The following KLHL15 variants were observed in gnomAD, a reference collection of about 807,000 sequenced individuals.
KLHL15 encodes kelch like family member 15, also known as kelch-like protein 15.
In KLHL15, 1 loss-of-function variant was observed where a neutral mutation model predicts 29.3. The ratio of observed to expected loss-of-function variants is 0.03; its 90% confidence interval spans 0.01 to 0.16. The LOEUF (loss-of-function observed/expected upper bound fraction) is 0.16, where lower values mean the gene tolerates loss of function less well. KLHL15 is among the 10% of genes least tolerant of loss of function. The pLI, the probability that KLHL15 is intolerant of heterozygous loss-of-function variation, is 1.00. For missense variants in KLHL15, 215 were observed against 478.5 expected (o/e 0.45, Z 5.14); for synonymous variants, 212 against 184.5 (o/e 1.15, Z -1.21).
intron 3 of KLHL15, among the ~76,000 whole-genome samples, chrX:23,989,743 T>C (rs1417777640): frequency 9.0e-6 from 1 of 111,502 alleles, no homozygotes; most frequent in African/African-American, 3.2e-5. Context: ...AGACTTGGTC[T>C]GATAACTCCT....
At chrX:24,025,250 C>A (rs1929899414) in intron 1 of KLHL15, among the ~76,000 whole-genome samples, 192 bp from the exon 2 acceptor site, 1 of 110,895 alleles carries the variant, frequency 9.0e-6, no homozygotes, top group Admixed American at 9.4e-5. Context: ...GACAGAAGCA[C>A]CAGCCGAGGA....
chrX:24,019,586 C>G (rs1929763389), intron 2 of KLHL15, among the ~76,000 whole-genome samples: 1 of 110,866 alleles, frequency 9.0e-6, no homozygotes, highest in African/African-American at 3.3e-5. Context: ...CAAATAAGTA[C>G]AAAGAAGTCC....
intron 3 of KLHL15, among the ~76,000 whole-genome samples, chrX:23,991,094 T>C (rs1417348672): frequency 1.8e-5 from 2 of 110,168 alleles, no homozygotes; most frequent in Non-Finnish European, 3.8e-5. Flanking sequence ...GGCTCATGCC[T>C]GTAATCTCAG....
intron 2 of KLHL15, among the ~76,000 whole-genome samples, chrX:24,017,809 G>A (rs1468889893): frequency 7.0e-5 from 7 of 99,880 alleles, no homozygotes; most frequent in Non-Finnish European, 1.0e-4. Context: ...AAAAAAAATT[G>A]TGTACATAAT....
chrX:24,000,764 T>C (rs191123433), intron 3 of KLHL15, among the ~76,000 whole-genome samples: 137 of 112,372 alleles, frequency 1.2e-3, no homozygotes, highest in African/African-American at 3.9e-3. Flanking sequence ...CATGTTCCAA[T>C]GCCTAAGTGA....
At chrX:24,008,492 G>A (rs1929500225) in intron 2 of KLHL15, among the ~76,000 whole-genome samples, 1 of 112,422 alleles carries the variant, frequency 8.9e-6, no homozygotes, top group Non-Finnish European at 1.9e-5. Flanking sequence ...GTCTGACTCG[G>A]CCTTCCAAAG....
chrX:23,989,100 C>T, intron 3 of KLHL15, 70 bp from the exon 4 acceptor site: 2 of 883,715 alleles, frequency 2.3e-6, no homozygotes, highest in Non-Finnish European at 1.6e-6. Flanking sequence ...TCAAAGCTGA[C>T]TAATACGATC....
At chrX:23,989,578 C>T (rs1010545117) in intron 3 of KLHL15, among the ~76,000 whole-genome samples, 5 of 111,431 alleles carry the variant, frequency 4.5e-5, no homozygotes, top group Middle Eastern at 4.6e-3. Context: ...CTACAAGTAG[C>T]GGGTATGAGG....
At chrX:24,001,203 G>T (rs575754555) in intron 3 of KLHL15, among the ~76,000 whole-genome samples, 1 of 111,920 alleles carries the variant, frequency 8.9e-6, no homozygotes, top group South Asian at 3.6e-4. Flanking sequence ...AATGAAAAAT[G>T]AACTATAAAA....
intron 1 of KLHL15, among the ~76,000 whole-genome samples, chrX:24,026,137 T>TG (rs1192985343): frequency 8.9e-6 from 1 of 112,111 alleles, no homozygotes; most frequent in Non-Finnish European, 1.9e-5. Context: ...TAAGGCAACT[T>TG]GCAGTGGACT....
chrX:23,998,589 C>A (rs1371364985), intron 3 of KLHL15, among the ~76,000 whole-genome samples: 2 of 111,620 alleles, frequency 1.8e-5, no homozygotes, highest in African/African-American at 6.5e-5. Flanking sequence ...TTAGATAGTA[C>A]AACTAAGTTC....
At chrX:24,000,021 C>A (rs1196792412) in intron 3 of KLHL15, among the ~76,000 whole-genome samples, 1 of 111,936 alleles carries the variant, frequency 8.9e-6, no homozygotes, top group Non-Finnish European at 1.9e-5. Flanking sequence ...ACCTGCTCAT[C>A]TCTATGCTTT....
At chrX:24,002,369 C>T (rs1279966268) in intron 3 of KLHL15, among the ~76,000 whole-genome samples, 1 of 111,210 alleles carries the variant, frequency 9.0e-6, no homozygotes, top group Non-Finnish European at 1.9e-5. Flanking sequence ...AAAATACATG[C>T]CACAGACATT....
intron 3 of KLHL15, among the ~76,000 whole-genome samples, chrX:23,994,028 C>A (rs1261057142): frequency 5.5e-5 from 5 of 90,458 alleles, no homozygotes; most frequent in Non-Finnish European, 1.0e-4. Context: ...GCCTGGGCAA[C>A]AGAGTGAGAC....
intron 3 of KLHL15, among the ~76,000 whole-genome samples, chrX:24,005,721 C>T (rs1434496847): frequency 1.8e-5 from 2 of 112,168 alleles, no homozygotes; most frequent in Non-Finnish European, 3.8e-5. Flanking sequence ...TATGCTTCAA[C>T]TTTAAAAGTA....
chrX:24,001,681 G>A (rs1456496693), intron 3 of KLHL15, among the ~76,000 whole-genome samples: 1 of 106,332 alleles, frequency 9.4e-6, no homozygotes, highest in African/African-American at 3.4e-5. Context: ...GCACACACCT[G>A]TAATTCCAGC....
intron 2 of KLHL15, among the ~76,000 whole-genome samples, chrX:24,010,586 AATC>A (rs1232604950): frequency 1.8e-5 from 2 of 112,166 alleles, no homozygotes; most frequent in Non-Finnish European, 3.8e-5. Flanking sequence ...CATGACTTGG[AATC>A]ATATGTTGCA....
intron 3 of KLHL15, among the ~76,000 whole-genome samples, chrX:23,994,786 T>A (rs1468736878): frequency 8.9e-6 from 1 of 112,051 alleles, no homozygotes; most frequent in Non-Finnish European, 1.9e-5. Context: ...TTATTCTGAA[T>A]ATATCATATA....
chrX:24,018,745 T>C (rs1468311522), intron 2 of KLHL15, among the ~76,000 whole-genome samples: 1 of 111,628 alleles, frequency 9.0e-6, no homozygotes, highest in Non-Finnish European at 1.9e-5. Flanking sequence ...CTCACATCCG[T>C]GATCCTAGCA....
Sources: gnomAD v4.1 joint callset for allele counts (sites outside exome capture counted in the v4.1 genomes callset) on GRCh38, gnomAD v4.1.1 for gene constraint, MANE v1.5 for transcripts, NCBI Gene and HGNC (gene_info 2026-07-23, HGNC 2026-07-21) for gene names.